Variants in NIBAN1 observed in about 807,000 individuals in gnomAD.
NIBAN1 encodes the protein protein Niban 1.
NIBAN1 carries 81 observed loss-of-function variants against 75.1 expected under a neutral mutation model. The ratio of observed to expected loss-of-function variants is 1.08; its 90% CI spans 0.90 to 1.30. NIBAN1 has a LOEUF of 1.30. NIBAN1 is among the 50% of genes most tolerant of loss of function. The pLI, the probability that NIBAN1 is intolerant of heterozygous loss-of-function variation, is 0.00. For missense variants in NIBAN1, 1,133 were observed against 1,128.1 expected (o/e 1.00, Z -0.06); for synonymous variants, 436 against 424.8 (o/e 1.03, Z -0.32).
intron 10 of NIBAN1, 103 bp from the exon 11 acceptor site, chr1:184,806,159 G>T (rs1654193144): frequency 1.2e-6 from 1 of 806,510 alleles, no homozygotes; most frequent in Non-Finnish European, 2.0e-6. Flanking sequence ...CATCAGAGAT[G>T]AGTCCCCTCG....
At chr1:184,824,526 A>G (rs1309055608) in intron 6 of NIBAN1, among the ~76,000 whole-genome samples, 1 of 152,142 alleles carries the variant, frequency 6.6e-6, no homozygotes, top group Non-Finnish European at 1.5e-5. Flanking sequence ...ACGCAGAAGG[A>G]AAAAAGGGAA....
chr1:184,803,669 G>A lies in NIBAN1; in HGVS notation c.1470C>T (p.Thr490=). The change falls in exon 12 of 14, where the codon ACC becomes ACT. Residue 490 remains threonine (T), a synonymous_variant. Transcript: ENST00000367511. ...CCTCTTGAAATATCTTCTTTCGGAT[G>A]GTGCTGCTGTCATAATCATATTGCT... ...VLKQYDYDSS[T]IRKKIFQEAL... 1 of 1,614,110 alleles carries A rather than the reference G, an allele frequency of 6.2e-7. No homozygotes were observed. The highest frequency in any genetic ancestry group is 2.2e-5 in the East Asian group (1 of 44,890).
chr1:184,935,419 G>A (rs1327053741), intron 1 of NIBAN1, among the ~76,000 whole-genome samples: 1 of 152,022 alleles, frequency 6.6e-6, no homozygotes, highest in Non-Finnish European at 1.5e-5. Flanking sequence ...AAGGTGCGAA[G>A]ATCACTTGAG....
At chr1:184,815,698 A>C (rs1418570355) in intron 9 of NIBAN1, among the ~76,000 whole-genome samples, 1 of 152,220 alleles carries the variant, frequency 6.6e-6, no homozygotes, top group African/African-American at 2.4e-5. Context: ...TTATACTTTA[A>C]TAGATAAAAA....
intron 5 of NIBAN1, among the ~76,000 whole-genome samples, chr1:184,837,487 T>C (rs1359751789): frequency 6.6e-6 from 1 of 152,126 alleles, no homozygotes; most frequent in East Asian, 1.9e-4. Flanking sequence ...GAGCCAAAAG[T>C]TGAAAAAGTG....
intron 12 of NIBAN1, 23 bp from the exon 13 acceptor site, chr1:184,798,213 A>C: frequency 6.6e-7 from 1 of 1,506,338 alleles, no homozygotes; most frequent in East Asian, 2.3e-5. Context: ...AGATTAGAAG[A>C]TAAAGATGAA....
At chr1:184,892,832 G>GGTGATCTCA (rs1319615135) in intron 3 of NIBAN1, among the ~76,000 whole-genome samples, 1 of 151,760 alleles carries the variant, frequency 6.6e-6, no homozygotes, top group East Asian at 1.9e-4. Context: ...AGTGCATTGG[G>GGTGATCTCA]GTGATCTCAG....
At chr1:184,948,305 T>C (rs1224889196) in intron 1 of NIBAN1, among the ~76,000 whole-genome samples, 1 of 152,180 alleles carries the variant, frequency 6.6e-6, no homozygotes, top group Non-Finnish European at 1.5e-5. Context: ...TATTCATTCA[T>C]GCCACAAGCA....
intron 5 of NIBAN1, among the ~76,000 whole-genome samples, chr1:184,861,533 G>A (rs1571526443): frequency 6.6e-6 from 1 of 150,638 alleles, no homozygotes; most frequent in Non-Finnish European, 1.5e-5. Flanking sequence ...GAGGAGGGAG[G>A]AAGGGAGGAA....
chr1:184,833,908 T>G (rs1177216486), intron 5 of NIBAN1, among the ~76,000 whole-genome samples: 2 of 151,964 alleles, frequency 1.3e-5, no homozygotes, highest in African/African-American at 4.8e-5. Flanking sequence ...GTGCACAATG[T>G]GCAGGTTTGT....
intron 1 of NIBAN1, among the ~76,000 whole-genome samples, chr1:184,928,836 G>A (rs529160108): frequency 7.9e-5 from 12 of 152,254 alleles, no homozygotes; most frequent in African/African-American, 2.6e-4. Context: ...TTTTCTGTGT[G>A]AATAGTTGTA....
At chr1:184,920,354 C>T (rs535268670) in intron 1 of NIBAN1, among the ~76,000 whole-genome samples, 2 of 152,242 alleles carry the variant, frequency 1.3e-5, no homozygotes, top group Non-Finnish European at 2.9e-5. Context: ...AATTACCATA[C>T]TCATCACCTC....
intron 5 of NIBAN1, among the ~76,000 whole-genome samples, chr1:184,879,849 T>C (rs1385652510): frequency 6.6e-6 from 1 of 152,252 alleles, no homozygotes; most frequent in Non-Finnish European, 1.5e-5. Flanking sequence ...ATACAAGCAA[T>C]GTTGGATGTT....
At chr1:184,871,419 G>C (rs74705099) in intron 5 of NIBAN1, among the ~76,000 whole-genome samples, 2 of 151,464 alleles carry the variant, frequency 1.3e-5, no homozygotes, top group Admixed American at 1.3e-4. Flanking sequence ...AATGTCATGG[G>C]AGGATGAAGG....
At chr1:184,805,817 T>C in intron 11 of NIBAN1, 129 bp downstream of exon 11, 1 of 701,246 alleles carries the variant, frequency 1.4e-6, no homozygotes. Context: ...TGACAGTCAC[T>C]GGACTTGGGA....
At chr1:184,970,707 G>A (rs1658913660) in intron 1 of NIBAN1, among the ~76,000 whole-genome samples, 1 of 152,110 alleles carries the variant, frequency 6.6e-6, no homozygotes, top group Non-Finnish European at 1.5e-5. Context: ...TTCCTAACTG[G>A]TATTTGCTGC....
chr1:184,809,935 C>G (rs1449876037), intron 9 of NIBAN1, among the ~76,000 whole-genome samples: 2 of 152,096 alleles, frequency 1.3e-5, no homozygotes, highest in East Asian at 3.9e-4. Context: ...AATCTAAAGT[C>G]TAGCCTCTAA....
intron 1 of NIBAN1, among the ~76,000 whole-genome samples, chr1:184,953,134 T>G (rs143661168): frequency 1.9e-3 from 291 of 152,354 alleles, no homozygotes; most frequent in African/African-American, 6.8e-3. Context: ...ATCACAGTGT[T>G]AAGTGCTTTA....
In NIBAN1 at chr1:184,931,713, A is replaced by G. The variant is rs1003480492; in HGVS notation, c.56-32404T>C. Among the ~76,000 whole-genome samples the G allele has an allele frequency of 3.3e-5, 5 of 152,236 alleles. No homozygotes were observed. In the South Asian group the frequency reaches 6.2e-4, roughly 19 times the overall value. On this transcript the variant is annotated intron_variant, in intron 1 of 13. Transcript: ENST00000367511. Reference sequence around the variant, plus strand: ...CACAGACATGTGCAAAGAATTGTCTATCTTATGCCAAGCCATACAAGAAGG... The same window carrying G: ...CACAGACATGTGCAAAGAATTGTCTGTCTTATGCCAAGCCATACAAGAAGG...
Sources: gnomAD v4.1 joint callset for allele counts (sites outside exome capture counted in the v4.1 genomes callset) on GRCh38, gnomAD v4.1.1 for gene constraint, MANE v1.5 for transcripts, NCBI Gene and HGNC (gene_info 2026-07-23, HGNC 2026-07-21) for gene names.